MTHFS: variants seen among roughly 807,000 people sequenced by gnomAD.
MTHFS encodes the protein 5-formyltetrahydrofolate cyclo-ligase.
A neutral mutation model predicts 12.7 loss-of-function variants in MTHFS; 7 were observed. The observed-to-expected ratio is 0.55, with a 90% CI of 0.31 to 1.03. The LOEUF (loss-of-function observed/expected upper bound fraction) is 1.03, where lower values mean the gene tolerates loss of function less well. Ranked by LOEUF, MTHFS falls within the 50% of genes least tolerant of loss-of-function variation. MTHFS has a pLI of 0.05. For synonymous variants in MTHFS, 100 were observed against 97.1 expected (o/e 1.03, Z -0.18); for missense variants, 252 against 258.1 (o/e 0.98, Z 0.16).
chr15:79,880,059 A>G (rs1310715184), intron 2 of MTHFS, among the ~76,000 whole-genome samples: 1 of 151,986 alleles, frequency 6.6e-6, no homozygotes, highest in Non-Finnish European at 1.5e-5. Flanking sequence ...AAATTAGTTT[A>G]TTCTGCTTTT....
intron 2 of MTHFS, among the ~76,000 whole-genome samples, chr15:79,857,436 T>C (rs753890347): frequency 2.0e-5 from 3 of 152,154 alleles, no homozygotes; most frequent in Non-Finnish European, 2.9e-5. Flanking sequence ...ACCTCTCTGG[T>C]TCAGTATATT....
chr15:79,864,326 C>G (rs1024922803), intron 2 of MTHFS, among the ~76,000 whole-genome samples: 2 of 151,854 alleles, frequency 1.3e-5, no homozygotes, highest in South Asian at 2.1e-4. Flanking sequence ...GGGCGAAATA[C>G]CAGAGGTCAG....
intron 2 of MTHFS, among the ~76,000 whole-genome samples, chr15:79,852,576 C>T (rs2033735231): frequency 1.3e-5 from 2 of 152,188 alleles, no homozygotes; most frequent in East Asian, 3.8e-4. Context: ...TGAGAATCAT[C>T]TATTAAAGAC....
chr15:79,851,959 A>C (rs536230283), intron 2 of MTHFS, among the ~76,000 whole-genome samples: 30 of 152,192 alleles, frequency 2.0e-4, no homozygotes, highest in Non-Finnish European at 3.8e-4. Flanking sequence ...CATCAAAATT[A>C]CCTTCACCTA....
At chr15:79,878,646 A>C (rs1471131979) in intron 2 of MTHFS, among the ~76,000 whole-genome samples, 1 of 151,264 alleles carries the variant, frequency 6.6e-6, no homozygotes, top group Non-Finnish European at 1.5e-5. Flanking sequence ...AGAAGTCACT[A>C]GTTACAGGGA....
intron 2 of MTHFS, among the ~76,000 whole-genome samples, chr15:79,857,044 G>A (rs976056298): frequency 6.6e-6 from 1 of 150,966 alleles, no homozygotes; most frequent in Admixed American, 6.6e-5. Flanking sequence ...TGCCCAGGCT[G>A]GAGTACAGTA....
At chr15:79,878,403 CA>C (rs1421370222) in intron 2 of MTHFS, among the ~76,000 whole-genome samples, 2 of 151,274 alleles carry the variant, frequency 1.3e-5, no homozygotes, top group Non-Finnish European at 2.9e-5. Context: ...TGGCGCAAAG[CA>C]AAAGCAAGGA....
chr15:79,860,204 A>G (rs1037272569), intron 2 of MTHFS, among the ~76,000 whole-genome samples: 2 of 152,146 alleles, frequency 1.3e-5, no homozygotes, highest in African/African-American at 4.8e-5. Context: ...CCTGGCTAAC[A>G]TGGTGAAACC....
chr15:79,869,908 T>C (rs1467418493), intron 2 of MTHFS, among the ~76,000 whole-genome samples: 2 of 151,848 alleles, frequency 1.3e-5, no homozygotes, highest in African/African-American at 4.8e-5. Flanking sequence ...GAGAAATATA[T>C]TACAGATCCA....
At position 79,857,156 on chromosome 15, in the gene MTHFS, C is replaced by A. The variant is rs553511921; in HGVS notation, c.380-11714G>T. The stretch of plus-strand genomic sequence containing the variant: ...GATTACAGGCATGCACCACCACGCC[C>A]AGCTAATTTTTATATTTTTTTAGTA... On this transcript the variant is annotated intron_variant, in intron 2 of 2. Transcript: ENST00000258874. Among the ~76,000 whole-genome samples the A allele has an allele frequency of 3.9e-5, 6 of 152,076 alleles. No homozygotes were observed. In the East Asian group the frequency reaches 1.2e-3, roughly 29 times the overall value.
intron 2 of MTHFS, among the ~76,000 whole-genome samples, chr15:79,862,507 C>T (rs963347387): frequency 6.6e-6 from 1 of 152,214 alleles, no homozygotes; most frequent in Admixed American, 6.5e-5. Flanking sequence ...ATGTCTTACT[C>T]TCATTGATCA....
intron 2 of MTHFS, among the ~76,000 whole-genome samples, chr15:79,860,607 A>G (rs1234202394): frequency 6.6e-6 from 1 of 152,208 alleles, no homozygotes; most frequent in Non-Finnish European, 1.5e-5. Context: ...ATATTTTGAA[A>G]TTTTCATAAG....
chr15:79,871,948 T>TA (rs371005197), intron 2 of MTHFS, among the ~76,000 whole-genome samples: 1 of 150,720 alleles, frequency 6.6e-6, no homozygotes, highest in East Asian at 2.0e-4. Flanking sequence ...ACCGAAAAAA[T>TA]ACAAAAATTA....
intron 2 of MTHFS, among the ~76,000 whole-genome samples, chr15:79,861,905 A>G (rs576871208): frequency 6.6e-6 from 1 of 152,236 alleles, no homozygotes; most frequent in Non-Finnish European, 1.5e-5. Flanking sequence ...AGAAGGATAC[A>G]CAAGTATGTT....
chr15:79,889,501 G>A (rs1033323091), intron 1 of MTHFS, 147 bp from the exon 2 acceptor site: 2 of 1,269,642 alleles, frequency 1.6e-6, no homozygotes, highest in Non-Finnish European at 2.1e-6. Flanking sequence ...TGATATAGTG[G>A]GTCAGACAGT....
At chr15:79,866,048 T>G (rs1409450921) in intron 2 of MTHFS, among the ~76,000 whole-genome samples, 1 of 34,126 alleles carries the variant, frequency 2.9e-5, no homozygotes, top group Non-Finnish European at 8.0e-5. Context: ...TTTTATAAGT[T>G]TTTTTTTTTT....
chr15:79,845,931 T>C (rs2141336625), intron 2 of MTHFS, among the ~76,000 whole-genome samples: 1 of 152,242 alleles, frequency 6.6e-6, no homozygotes, highest in African/African-American at 2.4e-5. Flanking sequence ...GCCTACTCCC[T>C]CCTCATTTCC....
chr15:79,870,163 T>C (rs2034078144), intron 2 of MTHFS, among the ~76,000 whole-genome samples: 1 of 152,210 alleles, frequency 6.6e-6, no homozygotes, highest in African/African-American at 2.4e-5. Flanking sequence ...AAAACATGAA[T>C]GACATCAGAC....
rs554166385 is a variant in MTHFS at position 79,843,866 on chromosome 15, G to A, written c.*1344C>T. On this transcript the variant is annotated 3_prime_UTR_variant, in exon 3 of 3. Transcript: ENST00000258874. Reference sequence around the variant, plus strand: ...AAGGGAAGGAACACTCACTCTGCTTGGGAAAGTAGCAGAAGACTTCACAGA... The same window carrying A: ...AAGGGAAGGAACACTCACTCTGCTTAGGAAAGTAGCAGAAGACTTCACAGA... 4 of 152,376 alleles carry A rather than the reference G, an allele frequency of 2.6e-5. No individual in the cohort carries two copies. The highest frequency in any genetic ancestry group is 9.6e-5 in the African/African-American group (4 of 41,578). The allele number at this position is 152,376 out of a possible 1,614,324, so 9.4% of individuals were successfully genotyped here. A position where few individuals can be genotyped will look rare whatever the true frequency, so the allele number is the denominator to read the frequency against.
Sources: gnomAD v4.1 joint callset for allele counts (sites outside exome capture counted in the v4.1 genomes callset) on GRCh38, gnomAD v4.1.1 for gene constraint, MANE v1.5 for transcripts, NCBI Gene and HGNC (gene_info 2026-07-23, HGNC 2026-07-21) for gene names.